Variants in CFAP61 observed in about 807,000 individuals in gnomAD.
The protein encoded by CFAP61 is cilia and flagella associated protein 61.
A neutral mutation model predicts 135.6 loss-of-function variants in CFAP61; 107 were observed. The ratio of observed to expected loss-of-function variants is 0.79; its 90% CI spans 0.67 to 0.93. CFAP61 has a LOEUF of 0.93. Among genes scored for constraint, CFAP61 ranks in the 40% least tolerant of loss-of-function variants. The pLI is 0.00. For missense variants in CFAP61, 1,507 were observed against 1,556.2 expected, an observed-to-expected ratio of 0.97 and a Z score of 0.53; for synonymous variants, 575 against 578.5, an observed-to-expected ratio of 0.99 and a Z score of 0.09.
chr20:20,345,933 C>T (rs1271299690), intron 26 of CFAP61, among the ~76,000 whole-genome samples: 7 of 109,938 alleles, frequency 6.4e-5, no homozygotes, highest in Middle Eastern at 8.2e-3. Flanking sequence ...CTCGCTCTGT[C>T]GCCCAGGCCG....
intron 20 of CFAP61, chr20:20,253,630 G>C (rs888705083): frequency 2.1e-6 from 1 of 470,578 alleles, no homozygotes; most frequent in Admixed American, 2.2e-5. Context: ...CAGTCCCACT[G>C]TTTGGCCTGG....
chr20:20,157,564 A>G (rs1455143403), intron 9 of CFAP61, among the ~76,000 whole-genome samples: 1 of 152,248 alleles, frequency 6.6e-6, no homozygotes, highest in Non-Finnish European at 1.5e-5. Flanking sequence ...ATATCCATAT[A>G]CAAACTTTTA....
intron 8 of CFAP61, among the ~76,000 whole-genome samples, chr20:20,111,759 G>C (rs2048817217): frequency 1.3e-5 from 2 of 152,134 alleles, no homozygotes; most frequent in Admixed American, 6.6e-5. Flanking sequence ...GTAAGTTATA[G>C]ATAGCTCACA....
chr20:20,360,421 G>C lies in CFAP61; in HGVS notation c.*11G>C, dbSNP rs752644757. ...CCAGGCATCGTTTAGTTGTAGGCAG[G>C]GTCTCCCCTTTATGGTTTTCATTTA... On this transcript the variant is annotated 3_prime_UTR_variant, in exon 27 of 27. Coordinates refer to ENST00000245957, the MANE Select transcript of CFAP61 (RefSeq NM_015585.4). 13 of 1,612,456 alleles carry C rather than the reference G, an allele frequency of 8.1e-6. No homozygotes were observed. The East Asian group carries it at 2.9e-4, about 36-fold the overall frequency.
intron 18 of CFAP61, among the ~76,000 whole-genome samples, chr20:20,235,555 C>T (rs1324300833): frequency 6.6e-6 from 1 of 152,158 alleles, no homozygotes; most frequent in Non-Finnish European, 1.5e-5. Flanking sequence ...TGGGCAGCCT[C>T]ACTCCCAAAA....
intron 8 of CFAP61, among the ~76,000 whole-genome samples, chr20:20,104,597 C>T (rs150064270): frequency 6.6e-6 from 1 of 152,134 alleles, no homozygotes; most frequent in South Asian, 2.1e-4. Flanking sequence ...TTTCTGCTGC[C>T]GTCTTTACAT....
chr20:20,269,211 A>ATG (rs1243320830), intron 21 of CFAP61, among the ~76,000 whole-genome samples: 3 of 142,656 alleles, frequency 2.1e-5, no homozygotes, highest in Non-Finnish European at 3.1e-5. Flanking sequence ...ATGTATATAT[A>ATG]CACATATATA....
At chr20:20,142,143 G>T (rs2051453809) in intron 8 of CFAP61, among the ~76,000 whole-genome samples, 1 of 152,068 alleles carries the variant, frequency 6.6e-6, no homozygotes. Context: ...GGAGGAGGAG[G>T]GTGAAAGACC....
intron 24 of CFAP61, among the ~76,000 whole-genome samples, chr20:20,295,092 C>T (rs1023957156): frequency 1.3e-5 from 2 of 152,122 alleles, no homozygotes; most frequent in Admixed American, 6.5e-5. Flanking sequence ...TCTCACTGCT[C>T]TCAGCCTGCA....
At chr20:20,168,248 A>C (rs1031884684) in intron 12 of CFAP61, among the ~76,000 whole-genome samples, 1 of 152,044 alleles carries the variant, frequency 6.6e-6, no homozygotes, top group Non-Finnish European at 1.5e-5. Context: ...AAAATTGTAG[A>C]AATGGGGTCT....
chr20:20,265,972 T>C (rs540970088), intron 21 of CFAP61: 1 of 156,162 alleles, frequency 6.4e-6, no homozygotes, highest in African/African-American at 2.4e-5. Flanking sequence ...AGAGGAGGCC[T>C]AGGACAGAAA....
In CFAP61 at chr20:20,052,695, A is replaced by C. The variant is rs777956093; in HGVS notation, c.-37+104A>C. ...CCGGAACTGGGATGACCAGGCGAGG[A>C]CGAGTGGCTCTGTCGAGCCGTGGCG... On this transcript the variant is annotated intron_variant, in intron 1 of 26. Coordinates refer to ENST00000245957, the MANE Select transcript of CFAP61 (RefSeq NM_015585.4). The C allele has an allele frequency of 4.3e-6, 7 of 1,612,410 alleles. No homozygotes were observed. The East Asian group carries it at 1.6e-4, about 36-fold the overall frequency.
intron 25 of CFAP61, among the ~76,000 whole-genome samples, chr20:20,312,227 A>C (rs1001877893): frequency 6.6e-6 from 1 of 152,252 alleles, no homozygotes; most frequent in Non-Finnish European, 1.5e-5. Context: ...CTCAGATGTT[A>C]GAATTAGCAG....
chr20:20,162,976 C>G (rs2053526161), intron 10 of CFAP61, among the ~76,000 whole-genome samples: 1 of 152,064 alleles, frequency 6.6e-6, no homozygotes, highest in Admixed American at 6.5e-5. Flanking sequence ...TTAATCTAGC[C>G]ACTGCATCAA....
chr20:20,211,328 C>A (rs2047621721), intron 17 of CFAP61, among the ~76,000 whole-genome samples: 1 of 152,196 alleles, frequency 6.6e-6, no homozygotes, highest in South Asian at 2.1e-4. Context: ...AGCTTGAAGC[C>A]CACAGTCCTC....
At chr20:20,259,245 C>CTTTTTTT (rs3060665) in intron 20 of CFAP61, among the ~76,000 whole-genome samples, 1 of 75,944 alleles carries the variant, frequency 1.3e-5, no homozygotes. Context: ...GCCCTTCCAT[C>CTTTTTTT]TTTTTTTTTT....
intron 19 of CFAP61, among the ~76,000 whole-genome samples, chr20:20,250,924 C>T (rs1161570627): frequency 1.3e-5 from 2 of 152,224 alleles, no homozygotes; most frequent in Non-Finnish European, 2.9e-5. Context: ...CATGAATGGC[C>T]GCCCTGGGCC....
intron 22 of CFAP61, among the ~76,000 whole-genome samples, chr20:20,285,665 C>T (rs1184652201): frequency 1.3e-5 from 2 of 152,054 alleles, no homozygotes; most frequent in Non-Finnish European, 2.9e-5. Flanking sequence ...CGCCTATAAA[C>T]CTAGCACTTT....
At chr20:20,114,402 G>A (rs2048998184) in intron 8 of CFAP61, among the ~76,000 whole-genome samples, 1 of 152,116 alleles carries the variant, frequency 6.6e-6, no homozygotes, top group Non-Finnish European at 1.5e-5. Flanking sequence ...TCTGAATGTG[G>A]TATAGCCCAC....
Sources: allele counts gnomAD v4.1 joint callset (sites outside exome capture counted in the v4.1 genomes callset), GRCh38; gene constraint gnomAD v4.1.1; transcripts MANE v1.5; gene names NCBI Gene and HGNC (gene_info 2026-07-23, HGNC 2026-07-21).